The following FGF12 variants were observed in gnomAD, a reference collection of about 807,000 sequenced individuals.
FGF12 encodes fibroblast growth factor 12B.
In FGF12, 14 loss-of-function variants were observed where a neutral mutation model predicts 23.6. That is an observed-to-expected ratio of 0.59 (90% CI 0.39 to 0.93). FGF12 has a LOEUF of 0.93. Ranked by LOEUF, FGF12 falls within the 40% of genes least tolerant of loss-of-function variation. The probability of loss-of-function intolerance (pLI) is 0.00; values close to 1 mark genes in which losing one functional copy is unlikely to be tolerated. For missense variants in FGF12, 175 were observed against 217.8 expected (o/e 0.80, Z 1.24); for synonymous variants, 62 against 77.3 (o/e 0.80, Z 1.04).
chr3:192,351,157 AAAC>A (rs1180304880), intron 3 of FGF12, among the ~76,000 whole-genome samples: 1 of 152,224 alleles, frequency 6.6e-6, no homozygotes, highest in African/African-American at 2.4e-5. Flanking sequence ...TCAAAGGTGA[AAAC>A]AAAAATCATT....
intron 5 of FGF12, among the ~76,000 whole-genome samples, chr3:192,162,049 G>A (rs1310844823): frequency 1.3e-5 from 2 of 152,108 alleles, no homozygotes; most frequent in African/African-American, 4.8e-5. Flanking sequence ...AAAGACAAAT[G>A]AAATATGATT....
chr3:192,434,616 A>G (rs1168740221), intron 2 of FGF12, among the ~76,000 whole-genome samples: 1 of 152,144 alleles, frequency 6.6e-6, no homozygotes, highest in East Asian at 1.9e-4. Context: ...CAATCTTCAT[A>G]TGGAGTTGAC....
chr3:192,182,901 C>A (rs1716256772), intron 4 of FGF12, among the ~76,000 whole-genome samples: 1 of 152,180 alleles, frequency 6.6e-6, no homozygotes, highest in African/African-American at 2.4e-5. Flanking sequence ...TTCCTGTAGG[C>A]ATGACATAAA....
At chr3:192,265,888 T>C (rs1713047602) in intron 4 of FGF12, among the ~76,000 whole-genome samples, 1 of 152,182 alleles carries the variant, frequency 6.6e-6, no homozygotes, top group South Asian at 2.1e-4. Context: ...AGTGACTCTG[T>C]TACTTGCTCT....
chr3:192,445,638 G>A (rs1470082327), intron 2 of FGF12, among the ~76,000 whole-genome samples: 1 of 152,050 alleles, frequency 6.6e-6, no homozygotes, highest in Non-Finnish European at 1.5e-5. Context: ...TGAAAGGTGG[G>A]GGTCTCTCAC....
At chr3:192,389,255 G>A (rs1720190662) in intron 2 of FGF12, among the ~76,000 whole-genome samples, 1 of 152,278 alleles carries the variant, frequency 6.6e-6, no homozygotes, top group Non-Finnish European at 1.5e-5. Flanking sequence ...AGCTACTCAG[G>A]AGTCTGAGGC....
chr3:192,178,457 C>G lies in FGF12; in HGVS notation c.229-7801G>C, dbSNP rs568854598. Among the ~76,000 whole-genome samples, 6 of 152,140 alleles carry G rather than the reference C, an allele frequency of 3.9e-5. No individual in the cohort carries two copies. In the South Asian group the frequency reaches 1.2e-3, roughly 32 times the overall value. ...AAGCATATGCCAGATAAAAAAGGGC[C>G]TCTGATTTTGGTTCTATCTTTCCCA... On this transcript the variant is annotated intron_variant, in intron 4 of 5. Coordinates refer to ENST00000445105, the MANE Select transcript of FGF12 (RefSeq NM_004113.6).
chr3:192,368,516 T>C (rs1260863232), intron 2 of FGF12, among the ~76,000 whole-genome samples: 1 of 152,020 alleles, frequency 6.6e-6, no homozygotes, highest in African/African-American at 2.4e-5. Flanking sequence ...CTAACAGAAA[T>C]ACATTCCAGG....
chr3:192,630,582 T>C (rs1356435434), intron 2 of FGF12, among the ~76,000 whole-genome samples: 4 of 150,236 alleles, frequency 2.7e-5, no homozygotes, highest in Non-Finnish European at 5.9e-5. Flanking sequence ...AGATGGAGTC[T>C]TGCTCTGTCG....
intron 5 of FGF12, among the ~76,000 whole-genome samples, chr3:192,167,689 C>CAAAGTACAGA (rs1211364243): frequency 1.6e-5 from 2 of 124,792 alleles, no homozygotes; most frequent in African/African-American, 3.1e-5. Context: ...CTTGATTAAC[C>CAAAGTACAGA]AAAGTACAGA....
At chr3:192,599,536 T>C (rs1714020673) in intron 2 of FGF12, among the ~76,000 whole-genome samples, 1 of 152,048 alleles carries the variant, frequency 6.6e-6, no homozygotes, top group Non-Finnish European at 1.5e-5. Context: ...ATAATAAAAA[T>C]GACAACCAAT....
intron 4 of FGF12, among the ~76,000 whole-genome samples, chr3:192,175,271 T>C (rs74698771): frequency 0.043 from 6,474 of 151,946 alleles, 192 homozygotes; most frequent in Admixed American, 0.057. Context: ...AAATAATCAG[T>C]ATAATAAGGA....
intron 4 of FGF12, among the ~76,000 whole-genome samples, chr3:192,226,720 A>G (rs1324361480): frequency 6.6e-6 from 1 of 152,138 alleles, no homozygotes; most frequent in Non-Finnish European, 1.5e-5. Flanking sequence ...AATGTACAAC[A>G]TGGTGAATAT....
chr3:192,650,645 C>T (rs1201856216), intron 2 of FGF12, among the ~76,000 whole-genome samples: 3 of 152,148 alleles, frequency 2.0e-5, no homozygotes, highest in Non-Finnish European at 4.4e-5. Context: ...CTTTCAAATT[C>T]ATATTATTAG....
At chr3:192,569,679 A>C (rs1228383763) in intron 2 of FGF12, among the ~76,000 whole-genome samples, 1 of 152,228 alleles carries the variant, frequency 6.6e-6, no homozygotes, top group Non-Finnish European at 1.5e-5. Context: ...ATTGAGATAT[A>C]GAGAAGTTAG....
intron 4 of FGF12, among the ~76,000 whole-genome samples, chr3:192,208,589 T>A (rs1379914103): frequency 6.6e-6 from 1 of 152,218 alleles, no homozygotes; most frequent in Admixed American, 6.5e-5. Flanking sequence ...TTATATTGAA[T>A]TTTCTTGTGA....
chr3:192,403,896 A>G (rs1720859715), intron 2 of FGF12, among the ~76,000 whole-genome samples: 2 of 152,198 alleles, frequency 1.3e-5, no homozygotes, highest in Non-Finnish European at 1.5e-5. Flanking sequence ...AACACTGTGC[A>G]TCTACCGAAA....
At chr3:192,562,865 C>T (rs148967833) in intron 2 of FGF12, among the ~76,000 whole-genome samples, 38 of 152,178 alleles carry the variant, frequency 2.5e-4, no homozygotes, top group African/African-American at 8.2e-4. Context: ...ACAATTATCT[C>T]TCTTATTCAC....
At chr3:192,479,195 G>T (rs1323101871) in intron 2 of FGF12, among the ~76,000 whole-genome samples, 1 of 152,168 alleles carries the variant, frequency 6.6e-6, no homozygotes, top group African/African-American at 2.4e-5. Flanking sequence ...GTGTCTAAAA[G>T]GAATTATTCC....
Sources: gnomAD v4.1 joint callset for allele counts (sites outside exome capture counted in the v4.1 genomes callset) on GRCh38, gnomAD v4.1.1 for gene constraint, MANE v1.5 for transcripts, NCBI Gene and HGNC (gene_info 2026-07-23, HGNC 2026-07-21) for gene names.